Variants in CDK5RAP2 observed in about 807,000 individuals in gnomAD.
The protein encoded by CDK5RAP2 is CDK5 regulatory subunit associated protein 2.
A neutral mutation model predicts 232.9 loss-of-function variants in CDK5RAP2; 147 were observed. The ratio of observed to expected loss-of-function variants is 0.63; its 90% CI spans 0.55 to 0.72. CDK5RAP2 has a LOEUF of 0.72. CDK5RAP2 is among the 30% of genes least tolerant of loss of function. The pLI is 0.00. For synonymous variants in CDK5RAP2, 833 were observed against 833.7 expected, an observed-to-expected ratio of 1.00 and a Z score of 0.01; for missense variants, 2,195 against 2,231.5, an observed-to-expected ratio of 0.98 and a Z score of 0.33.
At chr9:120,528,950 A>C in intron 8 of CDK5RAP2, 153 bp from the exon 9 acceptor site, 1 of 666,132 alleles carries the variant, frequency 1.5e-6, no homozygotes, top group Admixed American at 2.2e-5. Flanking sequence ...TCTCCACCCC[A>C]CCCAAAGCCC....
At chr9:120,468,787 C>G (rs1374276309) in intron 17 of CDK5RAP2, among the ~76,000 whole-genome samples, 1 of 152,340 alleles carries the variant, frequency 6.6e-6, no homozygotes, top group East Asian at 1.9e-4. Flanking sequence ...ACAGAAGGAA[C>G]AAGCAGACAC....
intron 26 of CDK5RAP2, among the ~76,000 whole-genome samples, chr9:120,421,627 T>C (rs1210022836): frequency 6.6e-6 from 1 of 152,174 alleles, no homozygotes; most frequent in East Asian, 1.9e-4. Context: ...ATAATAGCAT[T>C]CAGAATCTTT....
At chr9:120,436,062 G>A (rs143267826) in intron 25 of CDK5RAP2, among the ~76,000 whole-genome samples, 183 of 152,262 alleles carry the variant, frequency 1.2e-3, no homozygotes, top group African/African-American at 4.2e-3. Flanking sequence ...TCATTACACA[G>A]GTTAATATAA....
At chr9:120,423,132 T>C (rs2034670413) in intron 25 of CDK5RAP2, among the ~76,000 whole-genome samples, 1 of 152,248 alleles carries the variant, frequency 6.6e-6, no homozygotes, top group East Asian at 1.9e-4. Context: ...ATTCTTTTTT[T>C]CATGCATTTT....
At chr9:120,443,807 A>C in intron 22 of CDK5RAP2, 65 bp from the exon 23 acceptor site, 1 of 1,602,944 alleles carries the variant, frequency 6.2e-7, no homozygotes, top group Non-Finnish European at 8.5e-7. Flanking sequence ...TTAGCCAAGC[A>C]ACTGAGAAGA....
intron 17 of CDK5RAP2, 48 bp downstream of exon 17, chr9:120,470,063 A>G (rs889801847): frequency 2.1e-6 from 2 of 949,566 alleles, no homozygotes; most frequent in African/African-American, 3.3e-5. Context: ...TACAACAAAC[A>G]ATCTAACAAA....
intron 3 of CDK5RAP2, among the ~76,000 whole-genome samples, chr9:120,554,942 GA>G (rs1434641619): frequency 6.6e-6 from 1 of 151,844 alleles, no homozygotes; most frequent in African/African-American, 2.4e-5. Flanking sequence ...CTCAAAATGT[GA>G]AACGTTTAAA....
intron 2 of CDK5RAP2, among the ~76,000 whole-genome samples, chr9:120,570,004 TAGTC>T (rs2042791216): frequency 6.6e-6 from 1 of 152,040 alleles, no homozygotes; most frequent in African/African-American, 2.4e-5. Flanking sequence ...AAGTACACCT[TAGTC>T]AGCCTGGGGA....
intron 16 of CDK5RAP2, among the ~76,000 whole-genome samples, chr9:120,470,899 T>G (rs2037668254): frequency 1.3e-5 from 2 of 152,212 alleles, no homozygotes; most frequent in South Asian, 2.1e-4. Context: ...AGCTGATACA[T>G]CTAAAATACA....
intron 5 of CDK5RAP2, among the ~76,000 whole-genome samples, chr9:120,544,879 G>A (rs1202936307): frequency 6.6e-6 from 1 of 152,152 alleles, no homozygotes; most frequent in African/African-American, 2.4e-5. Context: ...GTAGAAGGGT[G>A]GAGGGCTGTC....
chr9:120,469,833 C>T (rs1041641338), intron 17 of CDK5RAP2, among the ~76,000 whole-genome samples: 1 of 152,112 alleles, frequency 6.6e-6, no homozygotes, highest in African/African-American at 2.4e-5. Flanking sequence ...AAGAGGTGAA[C>T]AGCCTGACGG....
At chr9:120,397,243 C>T (rs900239542) in intron 35 of CDK5RAP2, among the ~76,000 whole-genome samples, 3 of 152,162 alleles carry the variant, frequency 2.0e-5, no homozygotes, top group South Asian at 2.1e-4. Context: ...GGATAATGAA[C>T]GCCCAAGTGC....
At position 120,538,994 on chromosome 9, in the gene CDK5RAP2, T is replaced by C. The variant is rs758993199; in HGVS notation, c.507+47A>G. 5.0e-6 allele frequency: 8 copies of C among 1,602,588 alleles called. No homozygotes were observed. In the East Asian group the frequency reaches 8.9e-5, roughly 18 times the overall value. Reference sequence around the variant, plus strand: ...GAAACAAAACTGTGCCAGCCTATTATTAACCCACTATAAGAAATACACTGC... The same window carrying C: ...GAAACAAAACTGTGCCAGCCTATTACTAACCCACTATAAGAAATACACTGC... On this transcript the variant is annotated intron_variant, in intron 6 of 37. Transcript: ENST00000349780.
chr9:120,579,811 GC>G, intron 1 of CDK5RAP2, 108 bp downstream of exon 1: 6 of 863,276 alleles, frequency 7.0e-6, no homozygotes, highest in Non-Finnish European at 7.7e-6. Context: ...CCCACACACT[GC>G]CCCTGGCCAG....
rs773274815 is a variant in CDK5RAP2 at position 120,439,575 on chromosome 9, G to T, written c.3546C>A (p.His1182Gln). The change falls in exon 24 of 38, where the codon CAC becomes CAA. Residue 1182 changes from histidine to glutamine, a missense_variant. By Grantham distance (24) the His-to-Gln change is conservative. Transcript: ENST00000349780. ...SSLHQVRYVK[H>Q]VKILGPLAPE... ...GGGCCAGCGGACCGAGGATTTTCAC[G>T]TGTTTCACGTATCGCACTTGGTGCA... The T allele has an allele frequency of 1.2e-6, 2 of 1,614,172 alleles. No individual in the cohort carries two copies. The highest frequency in any genetic ancestry group is 3.3e-5 in the Admixed American group (2 of 60,028).
intron 25 of CDK5RAP2, among the ~76,000 whole-genome samples, chr9:120,431,220 A>C (rs1429416193): frequency 6.6e-6 from 1 of 152,180 alleles, no homozygotes; most frequent in Non-Finnish European, 1.5e-5. Context: ...TATGTAACTA[A>C]CCTGCACATT....
At chr9:120,407,528 T>G in intron 31 of CDK5RAP2, 1 of 466,526 alleles carries the variant, frequency 2.1e-6, no homozygotes, top group Non-Finnish European at 3.9e-6. Flanking sequence ...TGTCTAGTAG[T>G]AATAAAATCT....
intron 11 of CDK5RAP2, among the ~76,000 whole-genome samples, chr9:120,519,173 CAAAAAAAA>C (rs765274307): frequency 2.1e-5 from 2 of 97,292 alleles, no homozygotes; most frequent in Admixed American, 2.3e-4. Flanking sequence ...GACTCCGTCT[CAAAAAAAA>C]AAAAAGAAAA....
At position 120,402,996 on chromosome 9, in the gene CDK5RAP2, G is replaced by C; in HGVS notation, c.5117C>G (p.Thr1706Ser). Residue 1706 changes from threonine to serine, a missense_variant, in exon 34 of 38, where the codon ACT becomes AGT. Coordinates refer to ENST00000349780, the MANE Select transcript of CDK5RAP2 (RefSeq NM_018249.6). ...SCDSGSSATS[T>S]PCVSRLVTGH... is the part of the protein sequence containing the mutation. ...AGTGACCAGGCGGGACACACACGGA[G>C]TGCTAGTTGCCGAACTGCCACTGTC... The C allele has an allele frequency of 1.2e-6, 2 of 1,614,216 alleles. No individual in the cohort carries two copies. The highest frequency in any genetic ancestry group is 1.7e-6 in the Non-Finnish European group (2 of 1,180,028).
Sources: allele counts gnomAD v4.1 joint callset (sites outside exome capture counted in the v4.1 genomes callset), GRCh38; gene constraint gnomAD v4.1.1; transcripts MANE v1.5; gene names NCBI Gene and HGNC (gene_info 2026-07-23, HGNC 2026-07-21).